PTPN12: variants seen among roughly 807,000 people sequenced by gnomAD.
The protein encoded by PTPN12 is tyrosine-protein phosphatase non-receptor type 12.
Under a neutral mutation model 97.6 loss-of-function variants are expected in PTPN12, and 29 were observed. That is an observed-to-expected ratio of 0.30 (90% CI 0.22 to 0.41). PTPN12 has a LOEUF of 0.41. Among genes scored for constraint, PTPN12 ranks in the 10% least tolerant of loss-of-function variants. The pLI is 1.00. For synonymous variants in PTPN12, 327 were observed against 300.4 expected (o/e 1.09, Z -0.91); for missense variants, 819 against 926.0 (o/e 0.88, Z 1.50).
At chr7:77,625,811 C>T (rs906098188) in intron 12 of PTPN12, among the ~76,000 whole-genome samples, 1 of 151,726 alleles carries the variant, frequency 6.6e-6, no homozygotes, top group Non-Finnish European at 1.5e-5. Flanking sequence ...CTCAATTGAT[C>T]CACCCACCTT....
chr7:77,615,958 T>C (rs1196611471), intron 11 of PTPN12, among the ~76,000 whole-genome samples: 5 of 152,202 alleles, frequency 3.3e-5, no homozygotes, highest in Non-Finnish European at 7.4e-5. Context: ...CATTGTCACA[T>C]TGATTCCTTT....
rs986200600 is a variant in PTPN12, at chr7:77,545,790, A to G, written c.99+8145A>G. On this transcript the variant is annotated intron_variant, in intron 1 of 17. Transcript: ENST00000248594. ...AGTACCTTTCCAGTGTTAAACTTCT[A>G]TACTCTGGTATGTATCCTCTCTTCT... The G allele has an allele frequency of 3.3e-5, 5 of 152,158 alleles. No homozygotes were observed. In the South Asian group the frequency reaches 8.3e-4, roughly 25 times the overall value. The allele number at this position is 152,158 out of a possible 1,614,324, so 9.4% of individuals were successfully genotyped here. A position where few individuals can be genotyped will look rare whatever the true frequency, so the allele number is the denominator to read the frequency against.
At chr7:77,566,770 G>A (rs1363186498) in intron 1 of PTPN12, among the ~76,000 whole-genome samples, 4 of 152,092 alleles carry the variant, frequency 2.6e-5, no homozygotes, top group Admixed American at 2.6e-4. Flanking sequence ...TTTCTTAAAG[G>A]ATTTGTTTGT....
intron 15 of PTPN12, chr7:77,636,742 T>C (rs1789607723): frequency 7.6e-6 from 2 of 263,714 alleles, no homozygotes; most frequent in Non-Finnish European, 7.1e-6. Context: ...AATAATGATA[T>C]AATTAGTAAT....
intron 8 of PTPN12, among the ~76,000 whole-genome samples, chr7:77,604,051 C>A (rs1234188202): frequency 6.8e-6 from 1 of 146,976 alleles, no homozygotes; most frequent in East Asian, 2.1e-4. Context: ...CTACACCCAG[C>A]TAATTTTGGG....
At chr7:77,638,493 TG>T in intron 16 of PTPN12, 130 bp from the exon 17 acceptor site, 1 of 1,273,050 alleles carries the variant, frequency 7.9e-7, no homozygotes, top group Non-Finnish European at 1.0e-6. Flanking sequence ...GTTCTTGACC[TG>T]TAAAATTATG....
At chr7:77,622,815 A>G (rs1196389539) in intron 12 of PTPN12, among the ~76,000 whole-genome samples, 1 of 151,958 alleles carries the variant, frequency 6.6e-6, no homozygotes, top group Non-Finnish European at 1.5e-5. Flanking sequence ...AAATTTAAAA[A>G]TTAAGCAGAA....
At position 77,627,296 on chromosome 7, in the gene PTPN12, T is replaced by C. The variant is rs748720962; in HGVS notation, c.1617T>C (p.His539=). ...DEKGHVTWSF[H]GPENAIPIPD... ...AAGGACATGTAACGTGGTCATTTCA[T>C]GGACCTGAAAATGCCATACCCATAC... Residue 539 remains histidine (H), a synonymous_variant, in exon 13 of 18, where the codon CAT becomes CAC. Coordinates refer to ENST00000248594, the MANE Select transcript of PTPN12 (RefSeq NM_002835.4). 1.2e-6 allele frequency: 2 copies of C among 1,614,086 alleles called. No homozygotes were observed. Among genetic ancestry groups the C allele is most frequent in the East Asian group, 2.2e-5 (1 of 44,900 alleles).
intron 12 of PTPN12, among the ~76,000 whole-genome samples, chr7:77,625,472 G>GCTCTCGCTCTCTCT (rs1554326599): frequency 6.0e-5 from 2 of 33,520 alleles, no homozygotes; most frequent in African/African-American, 1.3e-4. Flanking sequence ...CAGGCTGCTC[G>GCTCTCGCTCTCTCT]CTCTCTCTCT....
chr7:77,609,240 AGTT>A (rs368473391), intron 9 of PTPN12, among the ~76,000 whole-genome samples: 47 of 149,968 alleles, frequency 3.1e-4, no homozygotes, highest in African/African-American at 1.1e-3. Context: ...ATAAAATAAA[AGTT>A]GTGTATTTTG....
In PTPN12 at chr7:77,627,201, G is replaced by T. The variant is rs768077594; in HGVS notation, c.1522G>T (p.Val508Phe). Residue 508 changes from valine to phenylalanine, a missense_variant, in exon 13 of 18, where the codon GTT (valine) becomes TTT (phenylalanine). Val to Phe is a conservative substitution (Grantham distance 50, BLOSUM62 -1). Coordinates refer to ENST00000248594, the MANE Select transcript of PTPN12 (RefSeq NM_002835.4). Reference protein sequence around the residue: ...CSVTQSNKVSVTPPEESQNSD... With the variant: ...CSVTQSNKVSFTPPEESQNSD... ...TGTAACACAATCAAACAAAGTTTCA[G>T]TTACTCCACCAGAAGAATCCCAGAA... 1.9e-6 allele frequency: 3 copies of T among 1,614,090 alleles called. No homozygotes were observed. The highest frequency in any genetic ancestry group is 1.1e-5 in the South Asian group (1 of 91,068).
chr7:77,631,736 A>G (rs546257375), intron 13 of PTPN12, among the ~76,000 whole-genome samples: 1 of 152,360 alleles, frequency 6.6e-6, no homozygotes, highest in East Asian at 1.9e-4. Flanking sequence ...CTGTACACAA[A>G]ATCTTTAGCA....
intron 1 of PTPN12, among the ~76,000 whole-genome samples, chr7:77,549,536 T>A (rs901430599): frequency 2.0e-5 from 3 of 152,012 alleles, no homozygotes; most frequent in African/African-American, 7.2e-5. Flanking sequence ...ATATGGAACC[T>A]TCTTGCAAGG....
chr7:77,550,918 A>G (rs1315752795), intron 1 of PTPN12, among the ~76,000 whole-genome samples: 11 of 152,260 alleles, frequency 7.2e-5, no homozygotes, highest in African/African-American at 2.4e-4. Context: ...TGACTGGACC[A>G]CTGCCACCTC....
chr7:77,547,226 C>T (rs1807266327), intron 1 of PTPN12, among the ~76,000 whole-genome samples: 1 of 152,200 alleles, frequency 6.6e-6, no homozygotes, highest in South Asian at 2.1e-4. Flanking sequence ...TGAGTGCCCA[C>T]TATGCCCTAG....
At chr7:77,588,764 T>G (rs1371682444) in intron 5 of PTPN12, among the ~76,000 whole-genome samples, 2 of 152,324 alleles carry the variant, frequency 1.3e-5, no homozygotes, top group Middle Eastern at 6.8e-3. Flanking sequence ...GAATGCTATC[T>G]ATGGACTGAA....
At chr7:77,615,245 T>C (rs778533494) in intron 11 of PTPN12, among the ~76,000 whole-genome samples, 10 of 152,212 alleles carry the variant, frequency 6.6e-5, no homozygotes, top group Non-Finnish European at 1.2e-4. Flanking sequence ...ATTTTAGATG[T>C]GATAATGAAT....
Position 77,636,507 on chromosome 7 carries a change from C to T in PTPN12, c.2143-511C>T, listed in dbSNP as rs189366417. ...TGAGATGGGAGGATTGCTTGGGCCC[C>T]AGAGGTCAAGGCTGCAGTGAGCCAT... On this transcript the variant is annotated intron_variant, in intron 15 of 17. Transcript: ENST00000248594. Among the ~76,000 whole-genome samples, 274 of 152,126 alleles carry T rather than the reference C, an allele frequency of 1.8e-3. 2 individuals carry two copies. Among genetic ancestry groups the T allele is most frequent in the African/African-American group, 6.2e-3 (257 of 41,516 alleles).
chr7:77,537,508 C>T lies in PTPN12; in HGVS notation c.-39C>T. The T allele has an allele frequency of 1.8e-6, 1 of 545,976 alleles. No homozygotes were observed. 33.8% of individuals were successfully genotyped at this position (545,976 alleles called of 1,614,324 possible). Reference sequence around the variant, plus strand: ...GGCTCTGTGCCGGGCGGGCGGGCGGCGGGGGGGCCAGCGACCGCAGCCGGG... The same window carrying T: ...GGCTCTGTGCCGGGCGGGCGGGCGGTGGGGGGGCCAGCGACCGCAGCCGGG... On this transcript the variant is annotated 5_prime_UTR_variant, in exon 1 of 18. Coordinates refer to ENST00000248594, the MANE Select transcript of PTPN12 (RefSeq NM_002835.4).
Sources: allele counts gnomAD v4.1 joint callset (sites outside exome capture counted in the v4.1 genomes callset), GRCh38; gene constraint gnomAD v4.1.1; transcripts MANE v1.5; gene names NCBI Gene and HGNC (gene_info 2026-07-23, HGNC 2026-07-21).